The following FAM124A variants were observed in gnomAD, a reference collection of about 807,000 sequenced individuals.
The protein encoded by FAM124A is protein FAM124A.
FAM124A carries 23 observed loss-of-function variants against 24.5 expected under a neutral mutation model. The ratio of observed to expected loss-of-function variants is 0.94; its 90% CI spans 0.68 to 1.33. The LOEUF (loss-of-function observed/expected upper bound fraction) is 1.33, where lower values mean the gene tolerates loss of function less well. Ranked by LOEUF, FAM124A falls within the 40% of genes most tolerant of loss-of-function variation. The probability of loss-of-function intolerance (pLI) is 0.00; values close to 1 mark genes in which losing one functional copy is unlikely to be tolerated. For missense variants in FAM124A, 623 were observed against 722.8 expected (o/e 0.86, Z 1.58); for synonymous variants, 287 against 314.7 (o/e 0.91, Z 0.93).
rs373223015 is a variant in FAM124A, at chr13:51,280,854, C to T, written c.1239C>T (p.Asp413=). 3.8e-5 allele frequency: 61 copies of T among 1,614,158 alleles called. No individual in the cohort carries two copies. In the East Asian group the frequency reaches 1.0e-3, roughly 27 times the overall value. ...IDDLEGAQET[D]VDTGLRLSSS... ...ACCTAGAGGGGGCCCAGGAGACAGA[C>T]GTGGACACAGGCCTGCGGCTGTCCT... is the stretch of plus-strand genomic sequence containing the variant. The change falls in exon 4 of 4, where the codon GAC becomes GAT. Residue 413 remains aspartate, a synonymous_variant. Coordinates refer to ENST00000322475, the MANE Select transcript of FAM124A (RefSeq NM_001242312.2).
At chr13:51,257,022 T>C (rs1954681817) in intron 3 of FAM124A, among the ~76,000 whole-genome samples, 1 of 152,262 alleles carries the variant, frequency 6.6e-6, no homozygotes, top group South Asian at 2.1e-4. Context: ...CAGAACGTCC[T>C]TTCCTTTAAG....
At chr13:51,275,780 A>T (rs1954880958) in intron 3 of FAM124A, among the ~76,000 whole-genome samples, 1 of 152,236 alleles carries the variant, frequency 6.6e-6, no homozygotes, top group South Asian at 2.1e-4. Flanking sequence ...TGGTAGAATT[A>T]TGTATCGACG....
chr13:51,273,372 T>C (rs1191697516), intron 3 of FAM124A, among the ~76,000 whole-genome samples: 1 of 152,190 alleles, frequency 6.6e-6, no homozygotes, highest in Non-Finnish European at 1.5e-5. Flanking sequence ...TGTGCTGAGC[T>C]AGAGAAAACT....
intron 3 of FAM124A, among the ~76,000 whole-genome samples, chr13:51,268,744 G>A (rs1401655578): frequency 6.6e-6 from 1 of 151,706 alleles, no homozygotes; most frequent in Non-Finnish European, 1.5e-5. Flanking sequence ...CACCTTTAGT[G>A]GCTTTCTTTC....
intron 2 of FAM124A, among the ~76,000 whole-genome samples, chr13:51,244,572 G>A (rs1954535517): frequency 6.6e-6 from 1 of 152,230 alleles, no homozygotes; most frequent in Non-Finnish European, 1.5e-5. Flanking sequence ...TTTGGAATGA[G>A]AGATCTCTTC....
At chr13:51,260,060 G>A (rs1023310812) in intron 3 of FAM124A, among the ~76,000 whole-genome samples, 1 of 152,098 alleles carries the variant, frequency 6.6e-6, no homozygotes, top group Non-Finnish European at 1.5e-5. Context: ...GTGTCAGGAG[G>A]TGTCCGGGAG....
At chr13:51,240,535 G>C (rs1954479679) in intron 2 of FAM124A, among the ~76,000 whole-genome samples, 1 of 152,200 alleles carries the variant, frequency 6.6e-6, no homozygotes, top group Non-Finnish European at 1.5e-5. Flanking sequence ...ATTGCCCCAG[G>C]CTTGAGGAGA....
chr13:51,223,778 A>G (rs1267802852), intron 1 of FAM124A, among the ~76,000 whole-genome samples: 1 of 152,138 alleles, frequency 6.6e-6, no homozygotes, highest in Non-Finnish European at 1.5e-5. Context: ...TAAATGCCAA[A>G]CTTCCTTTCT....
chr13:51,254,856 TATTA>T (rs2137683328), intron 3 of FAM124A, among the ~76,000 whole-genome samples: 1 of 152,322 alleles, frequency 6.6e-6, no homozygotes, highest in Non-Finnish European at 1.5e-5. Flanking sequence ...TAAAGAATAT[TATTA>T]ATTATGTATA....
chr13:51,277,799 A>AG (rs1954898395), intron 3 of FAM124A, among the ~76,000 whole-genome samples: 1 of 103,756 alleles, frequency 9.6e-6, no homozygotes, highest in African/African-American at 5.9e-5. Context: ...TCTCAAAAAA[A>AG]GAGAGAAAGG....
chr13:51,266,326 T>C (rs1954785905), intron 3 of FAM124A, among the ~76,000 whole-genome samples: 2 of 152,166 alleles, frequency 1.3e-5, no homozygotes, highest in South Asian at 2.1e-4. Flanking sequence ...TTCCTTTTTT[T>C]TGTTTTTGTT....
chr13:51,281,601 G>A lies in FAM124A; in HGVS notation c.*345G>A. On this transcript the variant is annotated 3_prime_UTR_variant, in exon 4 of 4. Transcript: ENST00000322475. ...AACCTAGTCAGCCAGAACCAATTTG[G>A]CAATTTTTCCATGGTATGAAGGCAA... 1 of 185,918 alleles carries A rather than the reference G, an allele frequency of 5.4e-6. No individual in the cohort carries two copies. Among genetic ancestry groups the A allele is most frequent in the Non-Finnish European group, 1.1e-5 (1 of 91,336 alleles). The allele number at this position is 185,918 out of a possible 1,614,324, so 11.5% of individuals were successfully genotyped here.
intron 2 of FAM124A, among the ~76,000 whole-genome samples, chr13:51,245,032 G>A (rs1450772020): frequency 6.6e-6 from 1 of 152,268 alleles, no homozygotes; most frequent in Non-Finnish European, 1.5e-5. Context: ...GGACACACAA[G>A]GAGTGAGATT....
At chr13:51,261,302 G>C (rs1954734462) in intron 3 of FAM124A, among the ~76,000 whole-genome samples, 1 of 152,176 alleles carries the variant, frequency 6.6e-6, no homozygotes, top group Non-Finnish European at 1.5e-5. Flanking sequence ...ACCTGGGGAA[G>C]TGATACTAAT....
chr13:51,230,967 G>A (rs1954370080), intron 1 of FAM124A, among the ~76,000 whole-genome samples: 1 of 152,194 alleles, frequency 6.6e-6, no homozygotes, highest in African/African-American at 2.4e-5. Context: ...GGTGTTGTGC[G>A]AATATTTGAA....
rs775329106 is a variant in FAM124A, at chr13:51,281,040, C to G, written c.1425C>G (p.Ala475=). 6.2e-7 allele frequency: 1 copy of G among 1,614,046 alleles called. No homozygotes were observed. Among genetic ancestry groups the G allele is most frequent in the African/African-American group, 1.3e-5 (1 of 74,906 alleles). The part of the protein sequence containing the change: ...LPTVSRVTTE[A]SWASLPFFTK... ...CTGTCAGCAGGGTGACCACAGAGGC[C>G]TCCTGGGCTTCCCTCCCTTTCTTCA... Residue 475 remains alanine (A), a synonymous_variant, in exon 4 of 4, where the codon GCC becomes GCG. Transcript: ENST00000322475.
Position 51,258,432 on chromosome 13 carries a change from G to C in FAM124A, c.834+6231G>C, listed in dbSNP as rs529975185. 6.6e-6 allele frequency among the ~76,000 whole-genome samples: 1 copy of C among 152,224 alleles called. No homozygotes were observed. Among genetic ancestry groups the C allele is most frequent in the South Asian group, 2.1e-4 (1 of 4,808 alleles). ...TCAAAAAATGAATGAGTGTGAGCTG[G>C]GGATAGAGGGGTGAGGGCCATCTGG... On this transcript the variant is annotated intron_variant, in intron 3 of 3. Coordinates refer to ENST00000322475, the MANE Select transcript of FAM124A (RefSeq NM_001242312.2). The surrounding 1 kb of genome is among the most constrained non-coding windows in gnomAD (Gnocchi z 4.2).
At chr13:51,225,434 G>A (rs887581198) in intron 1 of FAM124A, 7 of 152,156 alleles carry the variant, frequency 4.6e-5, no homozygotes, top group Non-Finnish European at 7.3e-5. Flanking sequence ...TGGACTCCTC[G>A]AATCCTTCAA....
At chr13:51,260,054 C>A (rs1245000350) in intron 3 of FAM124A, among the ~76,000 whole-genome samples, 1 of 152,074 alleles carries the variant, frequency 6.6e-6, no homozygotes, top group Non-Finnish European at 1.5e-5. Flanking sequence ...GAGGCTGTGT[C>A]AGGAGGTGTC....
Sources: allele counts gnomAD v4.1 joint callset (sites outside exome capture counted in the v4.1 genomes callset), GRCh38; gene constraint gnomAD v4.1.1; non-coding constraint Gnocchi (gnomAD v3.1); transcripts MANE v1.5; gene names NCBI Gene and HGNC (gene_info 2026-07-23, HGNC 2026-07-21).